The following PER2 variants were observed in gnomAD, a reference collection of about 807,000 sequenced individuals.
PER2 encodes period circadian protein homolog 2.
In PER2, 66 loss-of-function variants were observed where a neutral mutation model predicts 121.0. That is an observed-to-expected ratio of 0.55 (90% CI 0.45 to 0.67). The LOEUF (loss-of-function observed/expected upper bound fraction) is 0.67, where lower values mean the gene tolerates loss of function less well. PER2 is among the 30% of genes least tolerant of loss of function. PER2 has a pLI of 0.00. For synonymous variants in PER2, 684 were observed against 659.9 expected (o/e 1.04, Z -0.56); for missense variants, 1,521 against 1,635.0 (o/e 0.93, Z 1.20).
At chr2:238,272,391 C>A (rs532254439) in intron 5 of PER2, among the ~76,000 whole-genome samples, 44 of 152,328 alleles carry the variant, frequency 2.9e-4, no homozygotes, top group Non-Finnish European at 5.6e-4. Context: ...GGAGGAGAGG[C>A]CTCTGGTTGG....
At chr2:238,292,213 G>A (rs893825623), upstream of PER2, among the ~76,000 whole-genome samples, 1 of 152,196 alleles carries the variant, frequency 6.6e-6, no homozygotes, top group African/African-American at 2.4e-5. Context: ...CTACTGAGAA[G>A]GCTTTTTGAT....
chr2:238,287,431 G>A (rs1339286617), intron 1 of PER2, among the ~76,000 whole-genome samples: 2 of 152,358 alleles, frequency 1.3e-5, no homozygotes, highest in African/African-American at 4.8e-5. Flanking sequence ...GGGGGTAGAG[G>A]GTGGGCCAAG....
chr2:238,275,657 GAAA>G, intron 4 of PER2, 83 bp downstream of exon 4: 1 of 1,454,222 alleles, frequency 6.9e-7, no homozygotes, highest in Non-Finnish European at 9.6e-7. Context: ...TCGAGTTTTA[GAAA>G]GTCAACACAA....
chr2:238,262,057 G>C (rs557013622), intron 11 of PER2, 134 bp downstream of exon 11: 1 of 940,530 alleles, frequency 1.1e-6, no homozygotes, highest in East Asian at 2.4e-5. Flanking sequence ...TGGGGCTCCA[G>C]ATTGGTGGCA....
chr2:238,249,200 C>T lies in PER2; in HGVS notation c.3480G>A (p.Ala1160=), dbSNP rs571091321. Residue 1160 remains alanine (A), a synonymous_variant, in exon 22 of 23, where the codon GCG becomes GCA. Coordinates refer to ENST00000254657, the MANE Select transcript of PER2 (RefSeq NM_022817.3). ...GCTTCTCTCTGTCCTCCTTCAAAAC[C>T]GCTTCTAAATTTCTTCGCAAGATAT... is the stretch of plus-strand genomic sequence containing the variant. The part of the protein sequence containing the change: ...TYQLPSRNLE[A]VLKEDREKLK... The T allele has an allele frequency of 8.1e-6, 13 of 1,613,914 alleles. No individual in the cohort carries two copies. Among genetic ancestry groups the T allele is most frequent in the East Asian group, 4.5e-5 (2 of 44,890 alleles).
intron 8 of PER2, among the ~76,000 whole-genome samples, chr2:238,267,546 G>A (rs1178343828): frequency 1.3e-5 from 2 of 152,198 alleles, no homozygotes; most frequent in Non-Finnish European, 2.9e-5. Context: ...TGTCTGAGAG[G>A]AAGGGAAATT....
the PER2 span, chr2:238,299,086 C>G: frequency 5.3e-3 from 810 of 152,156 alleles, 9 homozygotes; most frequent in Non-Finnish European, 8.0e-3. Flanking sequence ...GCCTGGCCAA[C>G]ATAGTGAAAA....
chr2:238,263,225 T>C (rs1052123907), intron 9 of PER2, among the ~76,000 whole-genome samples, 167 bp from the exon 10 acceptor site: 1 of 129,750 alleles, frequency 7.7e-6, no homozygotes, highest in African/African-American at 3.0e-5. Flanking sequence ...AGACTTTTAA[T>C]CAATAGCAAA....
chr2:238,260,189 T>C (rs1423327799), intron 13 of PER2, 136 bp from the exon 14 acceptor site: 6 of 628,664 alleles, frequency 9.5e-6, no homozygotes, highest in Non-Finnish European at 1.7e-5. Flanking sequence ...ATCTGACAGG[T>C]GTAGAGCTAG....
rs1241472769 is a variant in PER2, at chr2:238,245,745, G to C, written c.*630C>G. 5 of 398,264 alleles carry C rather than the reference G, an allele frequency of 1.3e-5. No individual in the cohort carries two copies. The highest frequency in any genetic ancestry group is 2.2e-5 in the Non-Finnish European group (5 of 225,976). The allele number at this position is 398,264 out of a possible 1,614,324, so 24.7% of individuals were successfully genotyped here. On this transcript the variant is annotated 3_prime_UTR_variant, in exon 23 of 23. Coordinates refer to ENST00000254657, the MANE Select transcript of PER2 (RefSeq NM_022817.3). ...AGTCCAGAGCAAATGTTTCAACTTTGTTCACTACAAACAAAACCTATGTCA... is the reference window on the plus strand; with the variant it reads ...AGTCCAGAGCAAATGTTTCAACTTTCTTCACTACAAACAAAACCTATGTCA...
chr2:238,250,563 T>C lies in PER2; in HGVS notation c.3455A>G (p.Gln1152Arg). 1 of 1,612,450 alleles carries C rather than the reference T, an allele frequency of 6.2e-7. No individual in the cohort carries two copies. Among genetic ancestry groups the C allele is most frequent in the South Asian group, 1.1e-5 (1 of 90,852 alleles). The change falls in exon 21 of 23, where the codon CAG (glutamine) becomes CGG (arginine). Residue 1152 changes from glutamine (Q) to arginine (R), a missense_variant. Transcript: ENST00000254657. ...GCTGGGTGGTTACCGGGAAGGCAGC[T>C]GGTACGTCATCATGACGCTGCTGTC... ...DADSSVMMTY[Q>R]LPSRNLEAVL...
chr2:238,257,173 G>T, intron 16 of PER2, 87 bp from the exon 17 acceptor site: 1 of 1,234,498 alleles, frequency 8.1e-7, no homozygotes, highest in Non-Finnish European at 1.1e-6. Context: ...TGCCCATACA[G>T]CTTCCACACC....
Position 238,252,670 on chromosome 2 carries a change from T to C in PER2, c.3111+242A>G, listed in dbSNP as rs546277814. Among the ~76,000 whole-genome samples the C allele has an allele frequency of 8.5e-5, 13 of 152,366 alleles. No individual in the cohort carries two copies. The highest frequency in any genetic ancestry group is 1.9e-4 in the Non-Finnish European group (13 of 68,040). On this transcript the variant is annotated intron_variant, in intron 19 of 22. Coordinates refer to ENST00000254657, the MANE Select transcript of PER2 (RefSeq NM_022817.3). The surrounding 1 kb of genome is among the most constrained non-coding windows in gnomAD (Gnocchi z 4.2). ...AAGTCACATGCTGCTTTCTGGAGTCTGTATCACAATCTCTCCTCCTTCATT... is the reference window on the plus strand; with the variant it reads ...AAGTCACATGCTGCTTTCTGGAGTCCGTATCACAATCTCTCCTCCTTCATT...
intron 20 of PER2, 124 bp downstream of exon 20, chr2:238,251,475 C>T (rs1172342460): frequency 2.3e-6 from 2 of 869,508 alleles, no homozygotes; most frequent in Admixed American, 3.7e-5. Flanking sequence ...TGCATGGGCT[C>T]TGACAGCTGC....
At chr2:238,290,655 A>C (rs1044184424), upstream of PER2, among the ~76,000 whole-genome samples, 3 of 152,194 alleles carry the variant, frequency 2.0e-5, no homozygotes, top group African/African-American at 4.8e-5. Flanking sequence ...TCAGTGATTC[A>C]CAGCCAGTTT....
Position 238,271,502 on chromosome 2 carries a change from C to T in PER2, c.582G>A (p.Ala194=), listed in dbSNP as rs764704151. The T allele has an allele frequency of 2.8e-5, 45 of 1,612,288 alleles. No homozygotes were observed. The highest frequency in any genetic ancestry group is 1.5e-4 in the African/African-American group (11 of 74,890). Residue 194 remains alanine (A), a synonymous_variant, in exon 6 of 23, where the codon GCG becomes GCA. Transcript: ENST00000254657. The part of the protein sequence containing the change: ...EHIVKNADMF[A]VAVSLVSGKI... ...TCCCAGACACCAGGGACACGGCCAC[C>T]GCAAACATATCCTGAAAAGGAAGAG...
At chr2:238,274,777 G>A (rs138652302) in intron 4 of PER2, among the ~76,000 whole-genome samples, 124 of 152,294 alleles carry the variant, frequency 8.1e-4, no homozygotes, top group African/African-American at 2.7e-3. Flanking sequence ...CAGCACCGAC[G>A]AGTAGCCCAG....
At chr2:238,261,973 T>C in intron 11 of PER2, 136 bp from the exon 12 acceptor site, 1 of 737,856 alleles carries the variant, frequency 1.4e-6, no homozygotes, top group South Asian at 1.7e-5. Context: ...CTGCTGCCTG[T>C]CCACTCCCTA....
rs529461726 is a variant in PER2, at chr2:238,245,692, T to G, written c.*683A>C. 5.0e-6 allele frequency: 2 copies of G among 398,044 alleles called. No individual in the cohort carries two copies. The highest frequency in any genetic ancestry group is 4.1e-5 in the African/African-American group (2 of 48,494). The allele number at this position is 398,044 out of a possible 1,614,324, so 24.7% of individuals were successfully genotyped here. A position where few individuals can be genotyped will look rare whatever the true frequency, so the allele number is the denominator to read the frequency against. On this transcript the variant is annotated 3_prime_UTR_variant, in exon 23 of 23. Transcript: ENST00000254657. The stretch of plus-strand genomic sequence containing the variant: ...CTGCGTGTGCATTCATCCGATGGAG[T>G]TGGCCACACAAACCACTAGGCTTCT...
Sources: allele counts gnomAD v4.1 joint callset (sites outside exome capture counted in the v4.1 genomes callset), GRCh38; gene constraint gnomAD v4.1.1; non-coding constraint Gnocchi (gnomAD v3.1); transcripts MANE v1.5; gene names NCBI Gene and HGNC (gene_info 2026-07-23, HGNC 2026-07-21).